The following MTMR10 variants were observed in gnomAD, a reference collection of about 807,000 sequenced individuals.
The protein encoded by MTMR10 is myotubularin-related protein 10.
In MTMR10, 56 loss-of-function variants were observed where a neutral mutation model predicts 88.1. The ratio of observed to expected loss-of-function variants is 0.64; its 90% confidence interval spans 0.51 to 0.79. The LOEUF (loss-of-function observed/expected upper bound fraction) is 0.79. MTMR10 is among the 30% of genes least tolerant of loss of function. The pLI is 0.00. For missense variants in MTMR10, 883 were observed against 924.7 expected, an observed-to-expected ratio of 0.95 and a Z score of 0.58; for synonymous variants, 380 against 340.9, an observed-to-expected ratio of 1.11 and a Z score of -1.26.
rs765131649 is a variant in MTMR10, at chr15:30,960,981, G to A, written c.658C>T (p.Leu220Phe). ...TCCCAATCCGAGTAAGTTTCAAAGA[G>A]TGGAGTTTTCTGGCTGCTGCCACCA... Reference protein sequence around the residue: ...AGGGSSQKTPLFETYSDWDRE... With the variant: ...AGGGSSQKTPFFETYSDWDRE... The change falls in exon 7 of 16, where the codon CTC becomes TTC. Residue 220 changes from leucine to phenylalanine, a missense_variant. Physicochemically the swap from Leu to Phe is conservative, Grantham distance 22. Transcript: ENST00000435680. 5 of 1,599,476 alleles carry A rather than the reference G, an allele frequency of 3.1e-6. No homozygotes were observed. Among genetic ancestry groups the A allele is most frequent in the East Asian group, 4.5e-5 (2 of 44,380 alleles).
In MTMR10 at chr15:30,940,698, G is replaced by A; in HGVS notation, c.*772C>T. 1 of 988,088 alleles carries A rather than the reference G, an allele frequency of 1.0e-6. No homozygotes were observed. Among genetic ancestry groups the A allele is most frequent in the Non-Finnish European group, 1.2e-6 (1 of 831,910 alleles). 61.2% of individuals were successfully genotyped at this position (988,088 alleles called of 1,614,324 possible). On this transcript the variant is annotated 3_prime_UTR_variant, in exon 16 of 16. Transcript: ENST00000435680. Reference sequence around the variant, plus strand: ...GCTTTCAGAGGAACAAGACTCTGGGGACTCCTGGCTATGAAGCTTAGTATG... The same window carrying A: ...GCTTTCAGAGGAACAAGACTCTGGGAACTCCTGGCTATGAAGCTTAGTATG...
chr15:30,959,169 A>G (rs2063367657), intron 7 of MTMR10, 48 bp from the exon 8 acceptor site: 2 of 1,463,518 alleles, frequency 1.4e-6, no homozygotes, highest in Non-Finnish European at 1.9e-6. Context: ...AAAAGCAGGA[A>G]TAGTGTGCTC....
At position 30,939,655 on chromosome 15, in the gene MTMR10, T is replaced by TTACAA; in HGVS notation, c.*1814_*1815insTTGTA. 1 of 920,862 alleles carries TTACAA rather than the reference T, an allele frequency of 1.1e-6. No homozygotes were observed. Among genetic ancestry groups the TTACAA allele is most frequent in the Non-Finnish European group, 1.3e-6 (1 of 771,704 alleles). 57.0% of individuals were successfully genotyped at this position (920,862 alleles called of 1,614,324 possible). On this transcript the variant is annotated 3_prime_UTR_variant, in exon 16 of 16. Coordinates refer to ENST00000435680, the MANE Select transcript of MTMR10 (RefSeq NM_017762.3). ...TAACAACAATAAAATACTACAAGAG[T>TTACAA]TAAAATAAACGTGAAGGAAGAAAAT... is the stretch of plus-strand genomic sequence containing the variant.
chr15:30,961,239 CCTT>C (rs1416421099), intron 6 of MTMR10, among the ~76,000 whole-genome samples, 166 bp from the exon 7 acceptor site: 2 of 151,824 alleles, frequency 1.3e-5, no homozygotes, highest in Non-Finnish European at 1.5e-5. Context: ...AAAAATAACT[CCTT>C]TTTTTTTTTT....
chr15:30,991,482 G>C lies in MTMR10; in HGVS notation c.25C>G (p.Pro9Ala), dbSNP rs2031328179. MFSLKPPK[P>A]TFRSYLLPPP... ...GGCAGGAGGTAGGACCTGAAGGTGGGTTTGGGCGGCTTGAGGGAGAACATG... is the reference window on the plus strand; with the variant it reads ...GGCAGGAGGTAGGACCTGAAGGTGGCTTTGGGCGGCTTGAGGGAGAACATG... The change falls in exon 1 of 16, where the codon CCC becomes GCC. Residue 9 changes from proline (P) to alanine (A), a missense_variant. Around this residue, in one of 3 missense-constraint regions of MTMR10, gnomAD observed 414 missense variants for 423.2 expected, o/e 0.98. Coordinates refer to ENST00000435680, the MANE Select transcript of MTMR10 (RefSeq NM_017762.3). The C allele has an allele frequency of 2.1e-5, 32 of 1,518,630 alleles. No homozygotes were observed. The highest frequency in any genetic ancestry group is 2.8e-5 in the Non-Finnish European group (32 of 1,142,252). The allele number at this position is 1,518,630 out of a possible 1,614,324, so 94.1% of individuals were successfully genotyped here. A position where few individuals can be genotyped will look rare whatever the true frequency, so the allele number is the denominator to read the frequency against.
At chr15:30,972,231 C>T (rs936629309) in intron 5 of MTMR10, among the ~76,000 whole-genome samples, 35 of 152,108 alleles carry the variant, frequency 2.3e-4, no homozygotes, top group Admixed American at 2.3e-3. Context: ...AAACTTTTCA[C>T]TTGAAATAAA....
At chr15:30,957,466 T>A (rs1200330247) in intron 9 of MTMR10, among the ~76,000 whole-genome samples, 1 of 152,246 alleles carries the variant, frequency 6.6e-6, no homozygotes, top group Admixed American at 6.5e-5. Context: ...CTCACGCCTG[T>A]AATCCCAGCA....
the MTMR10 span, among the ~76,000 whole-genome samples, chr15:30,922,578 C>T: frequency 6.6e-6 from 1 of 152,002 alleles, no homozygotes; most frequent in Non-Finnish European, 1.5e-5. Flanking sequence ...TGCTGATTGG[C>T]GAGATGGGCT....
intron 15 of MTMR10, 185 bp from the exon 16 acceptor site, chr15:30,942,257 G>T: frequency 1.4e-6 from 1 of 740,348 alleles, no homozygotes; most frequent in Non-Finnish European, 2.2e-6. Flanking sequence ...TTTTTTATGT[G>T]TTGACTCTAC....
At chr15:30,920,490 G>T in the MTMR10 span, 1 of 1,097,484 alleles carries the variant, frequency 9.1e-7, no homozygotes, top group Non-Finnish European at 1.4e-6. Context: ...TGTTATTATT[G>T]TCTTATAATA....
the MTMR10 span, chr15:30,927,019 G>A: frequency 2.0e-6 from 2 of 985,292 alleles, no homozygotes; most frequent in Non-Finnish European, 2.4e-6. Context: ...CCACTTAGGA[G>A]TTAAGGAACG....
the MTMR10 span, among the ~76,000 whole-genome samples, chr15:30,929,972 AATAT>A: frequency 7.9e-6 from 1 of 126,090 alleles, no homozygotes; most frequent in African/African-American, 3.3e-5. Context: ...TAATATATAA[AATAT>A]ATAATATATA....
At chr15:30,945,468 C>A (rs562328286) in intron 14 of MTMR10, among the ~76,000 whole-genome samples, 1 of 152,272 alleles carries the variant, frequency 6.6e-6, no homozygotes, top group African/African-American at 2.4e-5. Context: ...GAGTCCTCCA[C>A]GCAGATACCC....
chr15:30,972,671 C>G (rs2141045085), intron 5 of MTMR10, among the ~76,000 whole-genome samples: 1 of 152,234 alleles, frequency 6.6e-6, no homozygotes, highest in South Asian at 2.1e-4. Context: ...CATTACTTTT[C>G]ATTTGTTCAT....
At chr15:30,925,840 T>C in the MTMR10 span, 7 of 1,614,262 alleles carry the variant, frequency 4.3e-6, no homozygotes, top group Non-Finnish European at 5.9e-6. Context: ...CAAGTCTGTG[T>C]TTGTGATGGA....
At chr15:30,926,966 C>A in the MTMR10 span, 27 of 985,268 alleles carry the variant, frequency 2.7e-5, no homozygotes, top group Admixed American at 2.5e-4. Flanking sequence ...TGAAGTACTG[C>A]ACCAAAAATG....
intron 5 of MTMR10, among the ~76,000 whole-genome samples, chr15:30,968,578 A>ACACACACAC (rs1555410069): frequency 2.6e-4 from 24 of 91,722 alleles, no homozygotes; most frequent in African/African-American, 1.0e-3. Context: ...CACACACACA[A>ACACACACAC]ACTGTGTTTA....
intron 7 of MTMR10, among the ~76,000 whole-genome samples, chr15:30,959,750 T>G (rs1447641174): frequency 6.6e-6 from 1 of 152,258 alleles, no homozygotes; most frequent in Non-Finnish European, 1.5e-5. Context: ...AGCACCTTTC[T>G]AGAACTGTAC....
At chr15:30,979,692 C>G (rs920381468) in intron 2 of MTMR10, among the ~76,000 whole-genome samples, 2 of 152,194 alleles carry the variant, frequency 1.3e-5, no homozygotes, top group African/African-American at 4.8e-5. Context: ...GTACCATAAA[C>G]AAACTGTATT....
Sources: allele counts gnomAD v4.1 joint callset (sites outside exome capture counted in the v4.1 genomes callset), GRCh38; gene constraint gnomAD v4.1.1; regional missense constraint gnomAD v4.1.1; transcripts MANE v1.5; gene names NCBI Gene and HGNC (gene_info 2026-07-23, HGNC 2026-07-21).